The following PHEX variants were observed in gnomAD, a reference collection of about 807,000 sequenced individuals.
PHEX encodes the protein phosphate-regulating neutral endopeptidase PHEX.
Under a neutral mutation model 68.0 loss-of-function variants are expected in PHEX, and 16 were observed. That is an observed-to-expected ratio of 0.24 (90% confidence interval 0.16 to 0.36). The LOEUF (loss-of-function observed/expected upper bound fraction) is 0.36, where lower values mean the gene tolerates loss of function less well. PHEX is among the 10% of genes least tolerant of loss of function. The pLI is 1.00. For synonymous variants in PHEX, 208 were observed against 205.1 expected (o/e 1.01, Z -0.12); for missense variants, 480 against 575.5 (o/e 0.83, Z 1.70).
In PHEX at chrX:22,216,029, A is replaced by G. The variant is rs73201152; in HGVS notation, c.1701-3007A>G. Among the ~76,000 whole-genome samples, 534 of 111,548 alleles carry G rather than the reference A, an allele frequency of 4.8e-3. 3 individuals carry two copies. The highest frequency in any genetic ancestry group is 7.2e-3 in the Admixed American group (75 of 10,465). On this transcript the variant is annotated intron_variant, in intron 16 of 21. Coordinates refer to ENST00000379374, the MANE Select transcript of PHEX (RefSeq NM_000444.6). Reference sequence around the variant, plus strand: ...TTTCAGATCAGCATTATGGAGAGCTATTACGTTTAGACCCGCCCAAAGAGG... The same window carrying G: ...TTTCAGATCAGCATTATGGAGAGCTGTTACGTTTAGACCCGCCCAAAGAGG...
At chrX:22,041,668 A>G (rs775745055) in intron 2 of PHEX, among the ~76,000 whole-genome samples, 1 of 110,605 alleles carries the variant, frequency 9.0e-6, no homozygotes, top group South Asian at 3.9e-4. Flanking sequence ...CGGAACTATC[A>G]GGACAGGTTT....
intron 15 of PHEX, among the ~76,000 whole-genome samples, chrX:22,195,560 A>G (rs1158796667): frequency 1.8e-5 from 2 of 108,704 alleles, no homozygotes; most frequent in African/African-American, 6.8e-5. Flanking sequence ...GTGCCAGTGC[A>G]CTACAGCCTG....
intron 13 of PHEX, among the ~76,000 whole-genome samples, chrX:22,176,397 A>AT (rs1933700953): frequency 7.9e-5 from 6 of 75,766 alleles, no homozygotes; most frequent in East Asian, 3.1e-4. Context: ...AAAAAAAAAA[A>AT]AAAAAATATA....
intron 15 of PHEX, among the ~76,000 whole-genome samples, chrX:22,192,921 G>A (rs962580682): frequency 9.0e-6 from 1 of 110,991 alleles, no homozygotes; most frequent in Non-Finnish European, 1.9e-5. Flanking sequence ...GTTTCTGCCC[G>A]ACTTCGGTCT....
At chrX:22,177,586 A>G (rs1218366308) in intron 13 of PHEX, among the ~76,000 whole-genome samples, 2 of 112,138 alleles carry the variant, frequency 1.8e-5, no homozygotes, top group Non-Finnish European at 3.8e-5. Flanking sequence ...TTGTCTTAAT[A>G]GACAACATTG....
At chrX:22,222,507 GAGCAA>G (rs1466210056) in intron 18 of PHEX, among the ~76,000 whole-genome samples, 3 of 111,799 alleles carry the variant, frequency 2.7e-5, no homozygotes, top group Non-Finnish European at 5.6e-5. Context: ...AGAATTAAGT[GAGCAA>G]AGCAATGTGG....
chrX:22,178,866 C>T (rs1171749431), intron 14 of PHEX, among the ~76,000 whole-genome samples: 3 of 111,762 alleles, frequency 2.7e-5, no homozygotes, highest in East Asian at 2.8e-4. Context: ...ATTTGCCTTC[C>T]TCTCAGCTGC....
Position 22,099,129 on chromosome X carries a change from A to G in PHEX, c.1057A>G (p.Ile353Val). ...GCAGTACTTTAAAGATTTGTTTAGG[A>G]TATTAGGGTCTGAGAGAAAGAAGTA... ...VPQYFKDLFR[I>V]LGSERKKTIA... The change falls in exon 9 of 22, where the codon ATA (isoleucine) becomes GTA (valine). Residue 353 changes from isoleucine (I) to valine (V), a missense_variant. Physicochemically the swap from Ile to Val is conservative, Grantham distance 29. Coordinates refer to ENST00000379374, the MANE Select transcript of PHEX (RefSeq NM_000444.6). 8.3e-7 allele frequency: 1 copy of G among 1,209,028 alleles called. No individual in the cohort carries two copies. The highest frequency in any genetic ancestry group is 1.1e-6 in the Non-Finnish European group (1 of 893,305).
intron 5 of PHEX, among the ~76,000 whole-genome samples, chrX:22,079,131 T>C (rs7888678): frequency 0.073 from 8,160 of 111,987 alleles, 450 homozygotes; most frequent in African/African-American, 0.19. Context: ...TGAAGGCTGT[T>C]TTCCAAACTT....
rs769062110 is a variant in PHEX at position 22,112,321 on chromosome X, C to T, written c.1173+761C>T. On this transcript the variant is annotated intron_variant, in intron 10 of 21. Transcript: ENST00000379374. ...CCTTTGCTTCTCTCCCACCCTTGCT[C>T]GTCTCCCAGTTTGTACCCATGTTAC... 1.2e-4 allele frequency among the ~76,000 whole-genome samples: 13 copies of T among 111,640 alleles called. No individual in the cohort carries two copies. In the South Asian group the frequency reaches 3.8e-3, roughly 33 times the overall value.
intron 12 of PHEX, among the ~76,000 whole-genome samples, chrX:22,162,268 C>T (rs761131577): frequency 8.9e-6 from 1 of 112,397 alleles, no homozygotes; most frequent in African/African-American, 3.2e-5. Context: ...CTCCAAGAAG[C>T]TTGTACATTT....
chrX:22,108,413 C>G (rs759213899), intron 9 of PHEX, among the ~76,000 whole-genome samples: 1 of 111,240 alleles, frequency 9.0e-6, no homozygotes, highest in Non-Finnish European at 1.9e-5. Flanking sequence ...ATCCAGTGTA[C>G]ATTACTTGGG....
chrX:22,117,210 G>A (rs1931273660), intron 11 of PHEX, among the ~76,000 whole-genome samples: 1 of 112,076 alleles, frequency 8.9e-6, no homozygotes, highest in South Asian at 3.7e-4. Context: ...GAGTTGGTCT[G>A]GTGATAATTT....
intron 20 of PHEX, among the ~76,000 whole-genome samples, chrX:22,234,883 T>C (rs1327754660): frequency 1.8e-5 from 2 of 110,414 alleles, no homozygotes; most frequent in African/African-American, 6.6e-5. Context: ...CAAAAAACTC[T>C]TGCAGCTAGT....
chrX:22,046,141 C>T (rs940488173), intron 2 of PHEX, among the ~76,000 whole-genome samples: 20 of 112,009 alleles, frequency 1.8e-4, no homozygotes, highest in African/African-American at 6.5e-4. Context: ...ATGATGGCCT[C>T]AGTCAATGCC....
intron 20 of PHEX, among the ~76,000 whole-genome samples, chrX:22,237,114 C>A (rs1342624700): frequency 1.8e-5 from 2 of 112,135 alleles, no homozygotes; most frequent in Non-Finnish European, 3.8e-5. Flanking sequence ...AAATTACTTT[C>A]CCTCCTGGGA....
At chrX:22,094,907 G>A (rs186787625) in intron 7 of PHEX, among the ~76,000 whole-genome samples, 1 of 112,247 alleles carries the variant, frequency 8.9e-6, no homozygotes, top group African/African-American at 3.2e-5. Flanking sequence ...CCTAGGCCAA[G>A]AGGGAATAAA....
chrX:22,036,862 T>C (rs892669225), intron 1 of PHEX, among the ~76,000 whole-genome samples: 28 of 106,809 alleles, frequency 2.6e-4, no homozygotes, highest in East Asian at 2.9e-4. Context: ...CTTTGGGAGG[T>C]CGAGGCGGGC....
chrX:22,144,441 A>T (rs1932596434), intron 12 of PHEX, among the ~76,000 whole-genome samples: 1 of 111,525 alleles, frequency 9.0e-6, no homozygotes, highest in Non-Finnish European at 1.9e-5. Context: ...TAATCTCCGT[A>T]TACTTATCAC....
Sources: allele counts gnomAD v4.1 joint callset (sites outside exome capture counted in the v4.1 genomes callset), GRCh38; gene constraint gnomAD v4.1.1; transcripts MANE v1.5; gene names NCBI Gene and HGNC (gene_info 2026-07-23, HGNC 2026-07-21).